The following C10orf90 variants were observed in gnomAD, a reference collection of about 807,000 sequenced individuals.
The protein encoded by C10orf90 is (E2-independent) E3 ubiquitin-conjugating enzyme FATS.
C10orf90 carries 56 observed loss-of-function variants against 62.5 expected under a neutral mutation model. The observed-to-expected ratio is 0.90, with a 90% CI of 0.72 to 1.12. The LOEUF is 1.12. C10orf90 is among the 50% of genes most tolerant of loss of function. C10orf90 has a pLI of 0.00. For missense variants in C10orf90, 970 were observed against 880.4 expected (o/e 1.10, Z -1.29); for synonymous variants, 386 against 340.4 (o/e 1.13, Z -1.47).
intron 2 of C10orf90, among the ~76,000 whole-genome samples, chr10:126,640,700 G>T (rs1846042680): frequency 6.6e-6 from 1 of 152,128 alleles, no homozygotes; most frequent in Non-Finnish European, 1.5e-5. Context: ...ATATAGAAGG[G>T]TTTTCAGACA....
rs370700259 is a variant in C10orf90 at position 126,461,383 on chromosome 10, A to T, written c.2010+18T>A. 7 of 1,613,242 alleles carry T rather than the reference A, an allele frequency of 4.3e-6. No homozygotes were observed. The highest frequency in any genetic ancestry group is 5.9e-6 in the Non-Finnish European group (7 of 1,179,626). ...TCCCTTTGGCAGGAATCAAGCCAGGACACACAGAAGGCCTTACTTGCAAGG... is the reference window on the plus strand; with the variant it reads ...TCCCTTTGGCAGGAATCAAGCCAGGTCACACAGAAGGCCTTACTTGCAAGG... On this transcript the variant is annotated intron_variant, in intron 6 of 9. Transcript: ENST00000488181.
chr10:126,616,664 T>C (rs749535504), intron 2 of C10orf90, among the ~76,000 whole-genome samples: 22 of 152,334 alleles, frequency 1.4e-4, no homozygotes, highest in African/African-American at 4.6e-4. Context: ...GGCAGGGCTT[T>C]TGGCTATTTG....
At chr10:126,634,055 A>G (rs931504995) in intron 2 of C10orf90, among the ~76,000 whole-genome samples, 3 of 152,230 alleles carry the variant, frequency 2.0e-5, no homozygotes, top group Non-Finnish European at 4.4e-5. Flanking sequence ...TGCAGCCACT[A>G]TGGAAAACAA....
chr10:126,474,177 A>G (rs1860737324), intron 4 of C10orf90, among the ~76,000 whole-genome samples: 1 of 152,146 alleles, frequency 6.6e-6, no homozygotes, highest in Non-Finnish European at 1.5e-5. Context: ...GACCTGTTAC[A>G]TGGCCTGTGC....
intron 1 of C10orf90, among the ~76,000 whole-genome samples, chr10:126,649,177 G>A (rs1295748900): frequency 1.3e-5 from 2 of 150,994 alleles, no homozygotes; most frequent in East Asian, 2.0e-4. Context: ...TACAGGCTAT[G>A]TGCACTATTG....
At chr10:126,624,715 C>T (rs1477857884) in intron 2 of C10orf90, among the ~76,000 whole-genome samples, 2 of 152,126 alleles carry the variant, frequency 1.3e-5, no homozygotes, top group African/African-American at 4.8e-5. Context: ...AAAGAGCACC[C>T]ATAGGTGTCA....
At chr10:126,615,794 A>T (rs1197807226) in intron 2 of C10orf90, among the ~76,000 whole-genome samples, 1 of 152,182 alleles carries the variant, frequency 6.6e-6, no homozygotes, top group Non-Finnish European at 1.5e-5. Context: ...GGGAGTAGAG[A>T]GACACAGAAA....
chr10:126,633,784 A>G (rs1845897153), intron 2 of C10orf90, among the ~76,000 whole-genome samples: 1 of 152,234 alleles, frequency 6.6e-6, no homozygotes, highest in South Asian at 2.1e-4. Context: ...ATGCTTCAGA[A>G]AAGAAAATAA....
At chr10:126,462,236 A>G (rs1860032587) in intron 5 of C10orf90, among the ~76,000 whole-genome samples, 1 of 151,996 alleles carries the variant, frequency 6.6e-6, no homozygotes. Flanking sequence ...CAAGCAACAC[A>G]ATGTCCTTCA....
rs748161782 is a variant in C10orf90 at position 126,513,943 on chromosome 10, G to A, written c.314-4C>T. 6.3e-7 allele frequency: 1 copy of A among 1,597,674 alleles called. No individual in the cohort carries two copies. Among genetic ancestry groups the A allele is most frequent in the South Asian group, 1.1e-5 (1 of 89,564 alleles). On this transcript the variant is annotated splice_region_variant and splice_polypyrimidine_tract_variant and intron_variant, in intron 2 of 9. Coordinates refer to ENST00000488181, the MANE Select transcript of C10orf90 (RefSeq NM_001350921.2). ...CTGTGGTAGCTGTCCCGTAATCCTA[G>A]GCAAAAGAAGATAATATTGCTACTT...
intron 2 of C10orf90, among the ~76,000 whole-genome samples, chr10:126,529,257 T>C (rs1864031272): frequency 6.6e-6 from 1 of 152,196 alleles, no homozygotes; most frequent in African/African-American, 2.4e-5. Flanking sequence ...AAGGTAAAAC[T>C]TTAAAACATT....
At chr10:126,639,778 T>C (rs1846023709) in intron 2 of C10orf90, among the ~76,000 whole-genome samples, 2 of 152,260 alleles carry the variant, frequency 1.3e-5, no homozygotes, top group South Asian at 4.1e-4. Context: ...CCTTTCGTAG[T>C]ACAGTGTTTT....
chr10:126,556,372 G>T (rs543906282), intron 2 of C10orf90, among the ~76,000 whole-genome samples: 1 of 152,190 alleles, frequency 6.6e-6, no homozygotes, highest in South Asian at 2.1e-4. Context: ...ATAGAACACG[G>T]GCAGTTTCTC....
intron 7 of C10orf90, among the ~76,000 whole-genome samples, chr10:126,444,466 C>T (rs1056862901): frequency 3.4e-4 from 52 of 151,746 alleles, no homozygotes; most frequent in Admixed American, 2.2e-3. Flanking sequence ...ACCTAACAAA[C>T]GAGATGAAAG....
intron 2 of C10orf90, among the ~76,000 whole-genome samples, 195 bp from the exon 3 acceptor site, chr10:126,514,134 GTTA>G (rs1863297873): frequency 6.6e-6 from 1 of 152,062 alleles, no homozygotes; most frequent in African/African-American, 2.4e-5. Flanking sequence ...CTCTGGGTTC[GTTA>G]TTAGTTTATT....
chr10:126,624,693 C>G (rs1845709168), intron 2 of C10orf90, among the ~76,000 whole-genome samples: 1 of 152,142 alleles, frequency 6.6e-6, no homozygotes, highest in Non-Finnish European at 1.5e-5. Flanking sequence ...ATCCCAGGGT[C>G]AAAGTCCCAG....
chr10:126,617,500 C>T (rs1845565324), intron 2 of C10orf90, among the ~76,000 whole-genome samples: 1 of 152,228 alleles, frequency 6.6e-6, no homozygotes, highest in Non-Finnish European at 1.5e-5. Context: ...TTGGGATCCT[C>T]AGCTTCTCTC....
rs116662288 is a variant in C10orf90 at position 126,665,781 on chromosome 10, G to A, written c.240+4460C>T. 6.5e-3 allele frequency among the ~76,000 whole-genome samples: 988 copies of A among 152,270 alleles called. 14 individuals are homozygous for A. Among genetic ancestry groups the A allele is most frequent in the African/African-American group, 0.022 (923 of 41,544 alleles). ...TTTGCTGAGTGGAGGAGGTAGAGAC[G>A]GAAATTAGAGAGGCCAATGTAGCTG... is the stretch of plus-strand genomic sequence containing the variant. On this transcript the variant is annotated intron_variant, in intron 1 of 9. Coordinates refer to ENST00000488181, the MANE Select transcript of C10orf90 (RefSeq NM_001350921.2).
At chr10:126,489,015 G>T (rs1861579109) in intron 4 of C10orf90, among the ~76,000 whole-genome samples, 1 of 152,106 alleles carries the variant, frequency 6.6e-6, no homozygotes, top group South Asian at 2.1e-4. Flanking sequence ...AGGAGAGAAC[G>T]TTTCCCAGTT....
Sources: gnomAD v4.1 joint callset for allele counts (sites outside exome capture counted in the v4.1 genomes callset) on GRCh38, gnomAD v4.1.1 for gene constraint, MANE v1.5 for transcripts, NCBI Gene and HGNC (gene_info 2026-07-23, HGNC 2026-07-21) for gene names.